The following NFASC variants were observed in gnomAD, a reference collection of about 807,000 sequenced individuals.
The protein encoded by NFASC is neurofascin, also known as neurofascin homolog.
A neutral mutation model predicts 147.5 loss-of-function variants in NFASC; 43 were observed. That is an observed-to-expected ratio of 0.29 (90% CI 0.23 to 0.38). The LOEUF (loss-of-function observed/expected upper bound fraction) is 0.38, where lower values mean the gene tolerates loss of function less well. Among genes scored for constraint, NFASC ranks in the 10% least tolerant of loss-of-function variants. The pLI, the probability that NFASC is intolerant of heterozygous loss-of-function variation, is 1.00. For synonymous variants in NFASC, 622 were observed against 665.5 expected, an observed-to-expected ratio of 0.93 and a Z score of 1.01; for missense variants, 1,320 against 1,689.0, an observed-to-expected ratio of 0.78 and a Z score of 3.83.
intron 3 of NFASC, among the ~76,000 whole-genome samples, chr1:204,947,507 G>A (rs2093827811): frequency 1.3e-5 from 2 of 152,190 alleles, no homozygotes. Flanking sequence ...GGCGCCGCAG[G>A]CCTCCTGGAG....
intron 1 of NFASC, among the ~76,000 whole-genome samples, chr1:204,868,885 T>C (rs970013252): frequency 2.6e-5 from 4 of 152,226 alleles, no homozygotes; most frequent in Admixed American, 1.3e-4. Flanking sequence ...ATCTGATCTC[T>C]CCATTAACCC....
chr1:205,014,646 C>T (rs1264675186), intron 29 of NFASC, among the ~76,000 whole-genome samples: 2 of 152,180 alleles, frequency 1.3e-5, no homozygotes, highest in Non-Finnish European at 1.5e-5. Flanking sequence ...TCTGTTCGGT[C>T]TGTTCTTTTC....
At chr1:204,962,927 G>A (rs537729064) in intron 8 of NFASC, among the ~76,000 whole-genome samples, 1 of 152,266 alleles carries the variant, frequency 6.6e-6, no homozygotes, top group South Asian at 2.1e-4. Context: ...TTCCACACCT[G>A]AGTTACCCCT....
intron 28 of NFASC, chr1:205,009,930 A>C: frequency 1.8e-6 from 1 of 549,802 alleles, no homozygotes; most frequent in South Asian, 2.3e-5. Context: ...GGATGGAAGG[A>C]ACCCTGGCTC....
At chr1:204,989,122 A>C (rs1353122363) in intron 23 of NFASC, 1 of 382,952 alleles carries the variant, frequency 2.6e-6, no homozygotes. Flanking sequence ...GAAATGAGAG[A>C]AATCATAATG....
chr1:204,880,941 G>C (rs939657138), intron 1 of NFASC, among the ~76,000 whole-genome samples: 1 of 152,216 alleles, frequency 6.6e-6, no homozygotes, highest in Non-Finnish European at 1.5e-5. Flanking sequence ...GGAGTTTCAG[G>C]CCTCCCAAGC....
chr1:204,891,910 C>T (rs2082477233), intron 1 of NFASC, among the ~76,000 whole-genome samples: 1 of 152,184 alleles, frequency 6.6e-6, no homozygotes, highest in African/African-American at 2.4e-5. Flanking sequence ...CAAACTAACC[C>T]AGTCTACGAG....
chr1:204,951,865 T>C (rs2094147102), intron 4 of NFASC, 146 bp from the exon 5 acceptor site: 1 of 607,660 alleles, frequency 1.6e-6, no homozygotes. Context: ...GTCTCTAGAA[T>C]GGGGCCCTGT....
At chr1:204,934,507 A>C (rs1483121599) in intron 2 of NFASC, among the ~76,000 whole-genome samples, 6 of 152,238 alleles carry the variant, frequency 3.9e-5, no homozygotes, top group Admixed American at 3.9e-4. Context: ...ATGTTCAATC[A>C]GTAACTCAAA....
chr1:205,016,231 T>C lies in NFASC; in HGVS notation c.3492-77T>C, dbSNP rs1170523922. ...CTCCTGGATCCCATCCTCTCTGAGCTGTGTAGGGCATGTGCTGGCAGGAGG... is the reference window on the plus strand; with the variant it reads ...CTCCTGGATCCCATCCTCTCTGAGCCGTGTAGGGCATGTGCTGGCAGGAGG... On this transcript the variant is annotated intron_variant, in intron 29 of 29. Coordinates refer to ENST00000339876, the MANE Select transcript of NFASC (RefSeq NM_001005388.3). This position sits in a 1 kb window ranked among gnomAD's most constrained non-coding sequence, Gnocchi z 5.1. 9.3e-6 allele frequency: 9 copies of C among 970,106 alleles called. No homozygotes were observed. Among genetic ancestry groups the C allele is most frequent in the Non-Finnish European group, 1.5e-5 (9 of 603,690 alleles). 60.1% of individuals were successfully genotyped at this position (970,106 alleles called of 1,614,324 possible). A position where few individuals can be genotyped will look rare whatever the true frequency, so the allele number is the denominator to read the frequency against.
At chr1:204,965,054 C>T (rs547668093) in intron 8 of NFASC, among the ~76,000 whole-genome samples, 1 of 152,308 alleles carries the variant, frequency 6.6e-6, no homozygotes, top group African/African-American at 2.4e-5. Flanking sequence ...ACTGACTGTC[C>T]CTGGGCAAGA....
intron 1 of NFASC, among the ~76,000 whole-genome samples, chr1:204,888,473 C>T (rs2081755552): frequency 6.6e-6 from 1 of 152,154 alleles, no homozygotes; most frequent in Non-Finnish European, 1.5e-5. Flanking sequence ...GCAGATTGGT[C>T]ATTTCAAACT....
intron 1 of NFASC, chr1:204,870,563 G>A: frequency 3.3e-6 from 2 of 602,916 alleles, no homozygotes; most frequent in Non-Finnish European, 4.2e-6. Flanking sequence ...GCCTTGGGGA[G>A]CCTGGCCCGG....
rs989704190 is a variant in NFASC, at chr1:204,986,568, G to A, written c.2471-850G>A. The A allele has an allele frequency of 1.5e-5, 3 of 200,014 alleles. No homozygotes were observed. The South Asian group carries it at 3.1e-4, about 20-fold the overall frequency. The allele number at this position is 200,014 out of a possible 1,614,324, so 12.4% of individuals were successfully genotyped here. A position where few individuals can be genotyped will look rare whatever the true frequency, so the allele number is the denominator to read the frequency against. ...CTGTGTGTGCGGTGGCTCTGCAGAG[G>A]GATACCCAAGTATAGCCCCGCCTTC... On this transcript the variant is annotated intron_variant, in intron 21 of 29. Transcript: ENST00000339876. This position sits in a 1 kb window ranked among gnomAD's most constrained non-coding sequence, Gnocchi z 4.2.
chr1:204,876,021 C>T (rs2078718406), intron 1 of NFASC, among the ~76,000 whole-genome samples: 1 of 152,136 alleles, frequency 6.6e-6, no homozygotes, highest in Non-Finnish European at 1.5e-5. Flanking sequence ...GATGTATTGT[C>T]TTCCTTCCTA....
chr1:204,850,978 A>T (rs2075626949), intron 1 of NFASC, among the ~76,000 whole-genome samples: 1 of 152,238 alleles, frequency 6.6e-6, no homozygotes, highest in Non-Finnish European at 1.5e-5. Flanking sequence ...ATTTGTCTGA[A>T]GATGATGGCT....
intron 5 of NFASC, among the ~76,000 whole-genome samples, chr1:204,953,553 C>T (rs2094257399): frequency 6.6e-6 from 1 of 152,198 alleles, no homozygotes; most frequent in African/African-American, 2.4e-5. Context: ...ACCTCAGCCT[C>T]CCAAAGTACT....
chr1:205,009,890 G>T (rs939528111), intron 28 of NFASC: 11 of 621,890 alleles, frequency 1.8e-5, no homozygotes, highest in Non-Finnish European at 3.1e-5. Context: ...GAGTTGGGCG[G>T]ATGGCACAGT....
chr1:204,987,351 T>TA lies in NFASC; in HGVS notation c.2471-67_2471-66insA. On this transcript the variant is annotated intron_variant, in intron 21 of 29. Transcript: ENST00000339876. This position sits in a 1 kb window ranked among gnomAD's most constrained non-coding sequence, Gnocchi z 4.4. Reference sequence around the variant, plus strand: ...ATGCCTTCATACTTGTGCTTTGTTTTTTGTGTTTTCCTCATCCTCCCTGCC... The same window carrying TA: ...ATGCCTTCATACTTGTGCTTTGTTTTATTGTGTTTTCCTCATCCTCCCTGCC... 1 of 1,485,646 alleles carries TA rather than the reference T, an allele frequency of 6.7e-7. No individual in the cohort carries two copies. The highest frequency in any genetic ancestry group is 2.4e-5 in the East Asian group (1 of 41,550). 92.0% of individuals were successfully genotyped at this position (1,485,646 alleles called of 1,614,324 possible).
Sources: allele counts gnomAD v4.1 joint callset (sites outside exome capture counted in the v4.1 genomes callset), GRCh38; gene constraint gnomAD v4.1.1; non-coding constraint Gnocchi (gnomAD v3.1); transcripts MANE v1.5; gene names NCBI Gene and HGNC (gene_info 2026-07-23, HGNC 2026-07-21).